Variants in ASAP2 observed in about 807,000 individuals in gnomAD.
ASAP2 encodes the protein ArfGAP with SH3 domain, ankyrin repeat and PH domain 2, also known as arf-GAP with SH3 domain, ANK repeat and PH domain-containing protein 2.
A neutral mutation model predicts 131.4 loss-of-function variants in ASAP2; 45 were observed. The observed-to-expected ratio is 0.34, with a 90% confidence interval of 0.27 to 0.44. The LOEUF (loss-of-function observed/expected upper bound fraction) is 0.44. Among genes scored for constraint, ASAP2 ranks in the 20% least tolerant of loss-of-function variants. The pLI, the probability that ASAP2 is intolerant of heterozygous loss-of-function variation, is 1.00. For missense variants in ASAP2, 1,011 were observed against 1,297.0 expected (o/e 0.78, Z 3.39); for synonymous variants, 510 against 503.0 (o/e 1.01, Z -0.19).
intron 7 of ASAP2, among the ~76,000 whole-genome samples, chr2:9,332,704 C>T (rs1376409014): frequency 1.3e-5 from 2 of 152,196 alleles, no homozygotes; most frequent in African/African-American, 2.4e-5. Flanking sequence ...TTGCATTTAT[C>T]ACCTGTAATA....
intron 14 of ASAP2, among the ~76,000 whole-genome samples, chr2:9,357,508 G>A (rs182144171): frequency 3.3e-5 from 5 of 152,176 alleles, no homozygotes; most frequent in Non-Finnish European, 7.4e-5. Flanking sequence ...CCGAAAATAC[G>A]TTTTTGGCAG....
At chr2:9,305,684 ATAT>A (rs1668866830) in intron 3 of ASAP2, among the ~76,000 whole-genome samples, 1 of 128,342 alleles carries the variant, frequency 7.8e-6, no homozygotes, top group Admixed American at 8.0e-5. Context: ...TGGGGTATAG[ATAT>A]TGGTGGAGAG....
chr2:9,295,393 T>C (rs1428455011), intron 2 of ASAP2, among the ~76,000 whole-genome samples: 5 of 152,252 alleles, frequency 3.3e-5, no homozygotes, highest in Admixed American at 6.5e-5. Flanking sequence ...GTGCTTTGAA[T>C]AAGTGACGCC....
At chr2:9,291,820 C>T (rs1667830513) in intron 2 of ASAP2, among the ~76,000 whole-genome samples, 1 of 152,038 alleles carries the variant, frequency 6.6e-6, no homozygotes, top group South Asian at 2.1e-4. Context: ...ACCCTGCCTT[C>T]GTTCTGTTAT....
rs769791724 is a variant in ASAP2 at position 9,323,187 on chromosome 2, C to T, written c.537C>T (p.Ser179=). ...ATGGGATGATTCGGACTGAAATAAG[C>T]GGAGCGGAAATTGCCGAAGAGATGG... ...KLHGMIRTEI[S]GAEIAEEMEK... The change falls in exon 6 of 28, where the codon AGC becomes AGT. Residue 179 remains serine (S), a synonymous_variant. Transcript: ENST00000281419. The T allele has an allele frequency of 6.2e-6, 10 of 1,614,046 alleles. No individual in the cohort carries two copies. Among genetic ancestry groups the T allele is most frequent in the African/African-American group, 4.0e-5 (3 of 74,904 alleles).
chr2:9,221,323 C>CTTTT (rs35784307), intron 1 of ASAP2, among the ~76,000 whole-genome samples: 4 of 132,014 alleles, frequency 3.0e-5, no homozygotes, highest in Non-Finnish European at 3.2e-5. Context: ...CTTTTCTTTT[C>CTTTT]TTTTTTTTTT....
Position 9,376,899 on chromosome 2 carries a change from G to C in ASAP2, c.1747-9G>C. The C allele has an allele frequency of 6.2e-7, 1 of 1,613,942 alleles. No individual in the cohort carries two copies. Among genetic ancestry groups the C allele is most frequent in the Non-Finnish European group, 8.5e-7 (1 of 1,179,870 alleles). ...TAGAATTCTGGAATGCCTTTGTTTGGTTTTTCAGGAGCCGGATGAAACGGC... is the reference window on the plus strand; with the variant it reads ...TAGAATTCTGGAATGCCTTTGTTTGCTTTTTCAGGAGCCGGATGAAACGGC... On this transcript the variant is annotated splice_polypyrimidine_tract_variant and intron_variant, in intron 17 of 27. Coordinates refer to ENST00000281419, the MANE Select transcript of ASAP2 (RefSeq NM_003887.3).
At chr2:9,396,366 C>T (rs1158136330) in intron 24 of ASAP2, among the ~76,000 whole-genome samples, 1 of 152,066 alleles carries the variant, frequency 6.6e-6, no homozygotes, top group Non-Finnish European at 1.5e-5. Flanking sequence ...CCTCGACCTC[C>T]TGGGCCCAGG....
chr2:9,277,094 C>T (rs1023404333), intron 1 of ASAP2, among the ~76,000 whole-genome samples: 1 of 152,234 alleles, frequency 6.6e-6, no homozygotes, highest in Non-Finnish European at 1.5e-5. Flanking sequence ...CTAGGCTGCA[C>T]GGTCACAGAT....
At chr2:9,284,570 G>T (rs939878688) in intron 2 of ASAP2, among the ~76,000 whole-genome samples, 1 of 152,164 alleles carries the variant, frequency 6.6e-6, no homozygotes, top group Non-Finnish European at 1.5e-5. Context: ...TGTAAAATGG[G>T]AATTTAATAG....
At chr2:9,299,886 A>G (rs11676012) in intron 3 of ASAP2, among the ~76,000 whole-genome samples, 44,445 of 152,110 alleles carry the variant, frequency 0.29, 6,915 homozygotes, top group Non-Finnish European at 0.36. Context: ...AGGTCAGTCA[A>G]TGTCATCCCC....
At chr2:9,378,548 A>C (rs543749014) in intron 18 of ASAP2, among the ~76,000 whole-genome samples, 1 of 152,344 alleles carries the variant, frequency 6.6e-6, no homozygotes, top group Admixed American at 6.5e-5. Flanking sequence ...ACAGGCATCC[A>C]GAGGCCCTGC....
In ASAP2 at chr2:9,323,372, C is replaced by CT. The variant is rs370218710; in HGVS notation, c.600+125dup. 5.7e-4 allele frequency: 799 copies of CT among 1,413,186 alleles called. 5 individuals carry two copies. In the African/African-American group the frequency reaches 8.7e-3, roughly 15 times the overall value. The allele number at this position is 1,413,186 out of a possible 1,614,324, so 87.5% of individuals were successfully genotyped here. On this transcript the variant is annotated intron_variant, in intron 6 of 27. Coordinates refer to ENST00000281419, the MANE Select transcript of ASAP2 (RefSeq NM_003887.3). ...AACACCACATGCATTGCTGGACTCC[C>CT]TTTGCCCCTGTGTTGACATTTCTTT... is the stretch of plus-strand genomic sequence containing the variant.
chr2:9,359,666 A>G (rs765166961), intron 15 of ASAP2, among the ~76,000 whole-genome samples: 5 of 152,312 alleles, frequency 3.3e-5, no homozygotes, highest in African/African-American at 7.2e-5. Context: ...AGGGAATTTA[A>G]CGTCAAGAGC....
chr2:9,250,698 G>A (rs936575258), intron 1 of ASAP2, among the ~76,000 whole-genome samples: 1 of 152,224 alleles, frequency 6.6e-6, no homozygotes, highest in African/African-American at 2.4e-5. Flanking sequence ...TGGAGCTCAG[G>A]AGCTCTGAAT....
intron 1 of ASAP2, among the ~76,000 whole-genome samples, chr2:9,209,516 G>C (rs1404763668): frequency 6.6e-6 from 1 of 152,208 alleles, no homozygotes; most frequent in Non-Finnish European, 1.5e-5. Flanking sequence ...AAATTTGCAA[G>C]CTCTTGGTCT....
At chr2:9,381,102 C>T (rs1342047288) in intron 20 of ASAP2, among the ~76,000 whole-genome samples, 1 of 152,226 alleles carries the variant, frequency 6.6e-6, no homozygotes, top group Admixed American at 6.5e-5. Context: ...AGGCCCGAGG[C>T]CACCACAAGG....
intron 14 of ASAP2, among the ~76,000 whole-genome samples, chr2:9,358,287 C>A (rs1375343483): frequency 6.6e-6 from 1 of 152,236 alleles, no homozygotes; most frequent in Non-Finnish European, 1.5e-5. Context: ...CACAGCATAT[C>A]TTATGTACAT....
intron 25 of ASAP2, among the ~76,000 whole-genome samples, chr2:9,400,471 C>T (rs1375338344): frequency 6.7e-6 from 1 of 149,220 alleles, no homozygotes; most frequent in Non-Finnish European, 1.5e-5. Flanking sequence ...TCCCTCCTCC[C>T]TCGGCCTCTG....
Sources: allele counts gnomAD v4.1 joint callset (sites outside exome capture counted in the v4.1 genomes callset), GRCh38; gene constraint gnomAD v4.1.1; transcripts MANE v1.5; gene names NCBI Gene and HGNC (gene_info 2026-07-23, HGNC 2026-07-21).